Variants in NETO1 observed in about 807,000 individuals in gnomAD.
The protein encoded by NETO1 is neuropilin and tolloid like 1, also known as neuropilin and tolloid-like protein 1.
In NETO1, 26 loss-of-function variants were observed where a neutral mutation model predicts 61.3. The observed-to-expected ratio is 0.42, with a 90% CI of 0.31 to 0.59. The LOEUF (loss-of-function observed/expected upper bound fraction) is 0.59. NETO1 is among the 20% of genes least tolerant of loss of function. The pLI, the probability that NETO1 is intolerant of heterozygous loss-of-function variation, is 0.12. For synonymous variants in NETO1, 225 were observed against 225.8 expected (o/e 1.00, Z 0.03); for missense variants, 531 against 662.8 (o/e 0.80, Z 2.18).
chr18:72,845,581 A>G (rs949094232), intron 4 of NETO1, among the ~76,000 whole-genome samples: 5 of 152,244 alleles, frequency 3.3e-5, no homozygotes, highest in Non-Finnish European at 7.3e-5. Flanking sequence ...ACAACCGAGC[A>G]TCATGTAACA....
chr18:72,777,268 A>G (rs1430223613), intron 7 of NETO1, among the ~76,000 whole-genome samples: 2 of 152,112 alleles, frequency 1.3e-5, no homozygotes, highest in Non-Finnish European at 2.9e-5. Context: ...ATACAAAAAA[A>G]TTAGCCTGGT....
At chr18:72,801,158 C>T (rs1413271186) in intron 4 of NETO1, among the ~76,000 whole-genome samples, 2 of 152,146 alleles carry the variant, frequency 1.3e-5, no homozygotes, top group Non-Finnish European at 2.9e-5. Flanking sequence ...CATGGTCTAC[C>T]TCAAAAGCCA....
intron 4 of NETO1, among the ~76,000 whole-genome samples, chr18:72,846,532 A>AAAAAAAAAAG (rs2074093018): frequency 6.7e-6 from 1 of 149,400 alleles, no homozygotes; most frequent in Non-Finnish European, 1.5e-5. Context: ...AAAAAAAAAA[A>AAAAAAAAAAG]AAGAAGATGC....
At chr18:72,812,699 T>A (rs1261916956) in intron 4 of NETO1, among the ~76,000 whole-genome samples, 1 of 152,222 alleles carries the variant, frequency 6.6e-6, no homozygotes, top group African/African-American at 2.4e-5. Flanking sequence ...CAATCCGGTC[T>A]CTCTAGAATG....
rs541516419 is a variant in NETO1 at position 72,830,088 on chromosome 18, C to A, written c.469+28738G>T. Among the ~76,000 whole-genome samples the A allele has an allele frequency of 1.1e-3, 173 of 152,172 alleles. No homozygotes were observed. The highest frequency in any genetic ancestry group is 3.8e-3 in the African/African-American group (159 of 41,514). ...TCTGTGAGATTGCCTCAATTCAGGCCCACATCTACCTATGTGGCTGAAATA... is the reference window on the plus strand; with the variant it reads ...TCTGTGAGATTGCCTCAATTCAGGCACACATCTACCTATGTGGCTGAAATA... On this transcript the variant is annotated intron_variant, in intron 4 of 10. Coordinates refer to ENST00000327305, the MANE Select transcript of NETO1 (RefSeq NM_138966.5). This position sits in a 1 kb window ranked among gnomAD's most constrained non-coding sequence, Gnocchi z 4.9.
chr18:72,826,293 T>C (rs930416254), intron 4 of NETO1, among the ~76,000 whole-genome samples: 3 of 152,194 alleles, frequency 2.0e-5, no homozygotes, highest in African/African-American at 2.4e-5. Flanking sequence ...TGGTCTGATA[T>C]TAGCTTTTTA....
At chr18:72,808,541 G>A (rs2145186156) in intron 4 of NETO1, among the ~76,000 whole-genome samples, 1 of 152,058 alleles carries the variant, frequency 6.6e-6, no homozygotes, top group East Asian at 1.9e-4. Flanking sequence ...AATAAATGGT[G>A]TCAATGAAAA....
At chr18:72,815,624 A>G (rs1328072806) in intron 4 of NETO1, among the ~76,000 whole-genome samples, 1 of 152,214 alleles carries the variant, frequency 6.6e-6, no homozygotes, top group Non-Finnish European at 1.5e-5. Flanking sequence ...CAGCCAACAA[A>G]ACAGAAAAGG....
At chr18:72,802,733 A>AATG (rs2072549984) in intron 4 of NETO1, among the ~76,000 whole-genome samples, 1 of 152,230 alleles carries the variant, frequency 6.6e-6, no homozygotes, top group Admixed American at 6.5e-5. Context: ...ATGAATCAGG[A>AATG]CTGTGGCACC....
intron 7 of NETO1, among the ~76,000 whole-genome samples, chr18:72,763,236 C>A (rs998750243): frequency 1.3e-5 from 2 of 151,924 alleles, no homozygotes; most frequent in Non-Finnish European, 2.9e-5. Flanking sequence ...TTTCAACTAT[C>A]CATGATTTAT....
chr18:72,793,814 C>T (rs1453807466), intron 6 of NETO1, among the ~76,000 whole-genome samples: 1 of 152,212 alleles, frequency 6.6e-6, no homozygotes, highest in Non-Finnish European at 1.5e-5. Flanking sequence ...TGTAGTTACA[C>T]TAAGAGCCAC....
chr18:72,857,440 G>C (rs1055209232), intron 4 of NETO1, among the ~76,000 whole-genome samples: 4 of 152,156 alleles, frequency 2.6e-5, no homozygotes, highest in African/African-American at 7.2e-5. Context: ...TGTTGACAAA[G>C]CATGACAGCT....
intron 3 of NETO1, among the ~76,000 whole-genome samples, chr18:72,860,100 CA>C (rs1465028363): frequency 6.6e-6 from 1 of 152,114 alleles, no homozygotes; most frequent in East Asian, 1.9e-4. Context: ...CAAAACAGTC[CA>C]AAATTCTGGC....
intron 7 of NETO1, among the ~76,000 whole-genome samples, chr18:72,762,215 C>G (rs1034194582): frequency 1.3e-5 from 2 of 150,924 alleles, no homozygotes; most frequent in Non-Finnish European, 2.9e-5. Flanking sequence ...GGCTGGAGTG[C>G]AATGGCGCGA....
At chr18:72,860,184 T>A (rs2074527629) in intron 3 of NETO1, among the ~76,000 whole-genome samples, 1 of 152,194 alleles carries the variant, frequency 6.6e-6, no homozygotes, top group Non-Finnish European at 1.5e-5. Context: ...CATATATGTA[T>A]CCCGGTTAGT....
At chr18:72,855,717 G>A in intron 4 of NETO1, among the ~76,000 whole-genome samples, 1 of 152,144 alleles carries the variant, frequency 6.6e-6, no homozygotes, top group Non-Finnish European at 1.5e-5. Flanking sequence ...AAAAAATTCT[G>A]GCGATAAAAG....
At chr18:72,760,021 G>A (rs1281173991) in intron 7 of NETO1, among the ~76,000 whole-genome samples, 1 of 152,134 alleles carries the variant, frequency 6.6e-6, no homozygotes, top group Non-Finnish European at 1.5e-5. Context: ...AACATAGATG[G>A]AACGATTTGC....
At chr18:72,785,050 A>G (rs2071866989) in intron 6 of NETO1, among the ~76,000 whole-genome samples, 1 of 152,252 alleles carries the variant, frequency 6.6e-6, no homozygotes, top group African/African-American at 2.4e-5. Flanking sequence ...CACATCTTTC[A>G]TACAGATATC....
At chr18:72,821,505 C>T (rs1031278175) in intron 4 of NETO1, among the ~76,000 whole-genome samples, 20 of 139,460 alleles carry the variant, frequency 1.4e-4, no homozygotes, top group Non-Finnish European at 2.3e-4. Flanking sequence ...GTGGAGGTTG[C>T]GGTGAGCCGA....
Sources: allele counts gnomAD v4.1 joint callset (sites outside exome capture counted in the v4.1 genomes callset), GRCh38; gene constraint gnomAD v4.1.1; non-coding constraint Gnocchi (gnomAD v3.1); transcripts MANE v1.5; gene names NCBI Gene and HGNC (gene_info 2026-07-23, HGNC 2026-07-21).